Variants in SOX6 observed in about 807,000 individuals in gnomAD.
SOX6 encodes SRY-box transcription factor 6.
Under a neutral mutation model 97.8 loss-of-function variants are expected in SOX6, and 11 were observed. That is an observed-to-expected ratio of 0.11 (90% confidence interval 0.07 to 0.19). SOX6 has a LOEUF of 0.19. Among genes scored for constraint, SOX6 ranks in the 10% least tolerant of loss-of-function variants. The pLI is 1.00. For missense variants in SOX6, 810 were observed against 1,039.5 expected (o/e 0.78, Z 3.04); for synonymous variants, 360 against 371.4 (o/e 0.97, Z 0.35).
At chr11:16,231,368 C>T (rs958694757) in intron 4 of SOX6, among the ~76,000 whole-genome samples, 8 of 151,592 alleles carry the variant, frequency 5.3e-5, no homozygotes. Context: ...TATTTAATTG[C>T]AAATTAATGT....
chr11:16,409,743 G>A (rs1858760396), intron 1 of SOX6, among the ~76,000 whole-genome samples: 1 of 151,644 alleles, frequency 6.6e-6, no homozygotes, highest in South Asian at 2.1e-4. Context: ...ATGGATAGAA[G>A]ACAAAACCTA....
chr11:16,388,028 A>G (rs1339751769), intron 1 of SOX6, among the ~76,000 whole-genome samples: 1 of 152,176 alleles, frequency 6.6e-6, no homozygotes, highest in East Asian at 1.9e-4. Flanking sequence ...TATCTTGGGA[A>G]GAAAGCATTC....
At chr11:16,642,201 A>G (rs1465991970) in intron 3 of SOX6, among the ~76,000 whole-genome samples, 1 of 152,140 alleles carries the variant, frequency 6.6e-6, no homozygotes, top group African/African-American at 2.4e-5. Flanking sequence ...TCTGGGTTGA[A>G]AATTCTTTTC....
In SOX6 at chr11:16,246,561, G is replaced by A. The variant is rs191514068; in HGVS notation, c.446-11890C>T. Among the ~76,000 whole-genome samples, 21 of 151,734 alleles carry A rather than the reference G, an allele frequency of 1.4e-4. No homozygotes were observed. In the East Asian group the frequency reaches 2.7e-3, roughly 20 times the overall value. On this transcript the variant is annotated intron_variant, in intron 3 of 15. Transcript: ENST00000683767. ...TTTTAGGACCTCAAAGTATGTCATTGTGATATCTAACTGAATTGTTTCTGA... is the reference window on the plus strand; with the variant it reads ...TTTTAGGACCTCAAAGTATGTCATTATGATATCTAACTGAATTGTTTCTGA...
chr11:16,363,428 C>T (rs1474997480), intron 1 of SOX6, among the ~76,000 whole-genome samples: 1 of 152,126 alleles, frequency 6.6e-6, no homozygotes, highest in African/African-American at 2.4e-5. Flanking sequence ...AATCCAATAT[C>T]TGCAAATATT....
chr11:16,243,468 C>T (rs1032954922), intron 3 of SOX6, among the ~76,000 whole-genome samples: 1 of 151,712 alleles, frequency 6.6e-6, no homozygotes, highest in Non-Finnish European at 1.5e-5. Context: ...ATAAAAAGAT[C>T]AAGACTATTG....
At chr11:16,690,729 G>C (rs908141001) in intron 3 of SOX6, among the ~76,000 whole-genome samples, 1 of 152,190 alleles carries the variant, frequency 6.6e-6, no homozygotes, top group Non-Finnish European at 1.5e-5. Flanking sequence ...TGGGTTACCT[G>C]GGACAAGTTA....
At chr11:16,280,385 T>C (rs2134241645) in intron 3 of SOX6, among the ~76,000 whole-genome samples, 1 of 152,124 alleles carries the variant, frequency 6.6e-6, no homozygotes, top group South Asian at 2.1e-4. Flanking sequence ...AGCTTTTTTT[T>C]TTTTTATAGA....
chr11:16,456,195 G>GACTAAACTGAGATA (rs1859808006), intron 1 of SOX6, among the ~76,000 whole-genome samples: 1 of 152,058 alleles, frequency 6.6e-6, no homozygotes, highest in South Asian at 2.1e-4. Context: ...TCTCACTAGA[G>GACTAAACTGAGATA]ACTAAACTGA....
intron 4 of SOX6, among the ~76,000 whole-genome samples, chr11:16,579,152 A>T (rs546383225): frequency 6.6e-6 from 1 of 152,244 alleles, no homozygotes; most frequent in African/African-American, 2.4e-5. Flanking sequence ...GCATATGAAC[A>T]TGAACACATA....
chr11:16,084,512 T>C (rs938857328), intron 9 of SOX6, among the ~76,000 whole-genome samples: 1 of 152,078 alleles, frequency 6.6e-6, no homozygotes, highest in African/African-American at 2.4e-5. Flanking sequence ...GCTTATATTA[T>C]CTCATTTAAT....
chr11:16,631,734 T>C (rs191859643), intron 3 of SOX6, among the ~76,000 whole-genome samples: 3 of 152,342 alleles, frequency 2.0e-5, no homozygotes, highest in Non-Finnish European at 4.4e-5. Context: ...ATAGGTTTGG[T>C]TGCTTTACAT....
At chr11:16,115,642 A>T (rs1849330936) in intron 6 of SOX6, among the ~76,000 whole-genome samples, 1 of 152,204 alleles carries the variant, frequency 6.6e-6, no homozygotes, top group Admixed American at 6.5e-5. Context: ...AAGGTAAAAG[A>T]TATGAGCCTA....
chr11:16,482,399 C>T lies in SOX6; in HGVS notation n.610-6011G>A, dbSNP rs1337057708. On this transcript the variant is annotated intron_variant and non_coding_transcript_variant, in intron 4 of 5. Coordinates refer to the SOX6 transcript ENST00000524520. ...TAAAACATTGACATATTTTATTATG[C>T]AATATTGTTAAAACCACGTTTCTTA... Among the ~76,000 whole-genome samples the T allele has an allele frequency of 2.6e-5, 4 of 152,222 alleles. No individual in the cohort carries two copies. The East Asian group carries it at 7.7e-4, about 29-fold the overall frequency.
chr11:16,723,816 G>A (rs80300335), intron 2 of SOX6, among the ~76,000 whole-genome samples: 1,748 of 152,020 alleles, frequency 0.011, 25 homozygotes, highest in African/African-American at 0.04. Context: ...CCAACCTCTC[G>A]ATTTTTCCCC....
intron 1 of SOX6, among the ~76,000 whole-genome samples, chr11:16,431,255 C>G (rs765824640): frequency 1.6e-4 from 25 of 152,052 alleles, no homozygotes; most frequent in Non-Finnish European, 3.4e-4. Flanking sequence ...ATTTTACTTG[C>G]TTATTTGTTG....
At chr11:16,485,630 C>T (rs1860415473) in intron 4 of SOX6, among the ~76,000 whole-genome samples, 1 of 151,114 alleles carries the variant, frequency 6.6e-6, no homozygotes, top group African/African-American at 2.4e-5. Flanking sequence ...ACTCGGGAGG[C>T]TGAGGCAGAA....
intron 4 of SOX6, among the ~76,000 whole-genome samples, chr11:16,196,604 A>G (rs1216488255): frequency 1.3e-5 from 2 of 152,018 alleles, no homozygotes; most frequent in Non-Finnish European, 2.9e-5. Flanking sequence ...CAAATATCCA[A>G]CACAGCTTGT....
intron 13 of SOX6, among the ~76,000 whole-genome samples, chr11:16,007,657 G>A (rs900763970): frequency 6.6e-6 from 1 of 152,052 alleles, no homozygotes; most frequent in African/African-American, 2.4e-5. Flanking sequence ...TTACCTTAAG[G>A]TTAGGCTGAA....
Sources: allele counts gnomAD v4.1 joint callset (sites outside exome capture counted in the v4.1 genomes callset), GRCh38; gene constraint gnomAD v4.1.1; transcripts MANE v1.5; gene names NCBI Gene and HGNC (gene_info 2026-07-23, HGNC 2026-07-21).